The following FANCD2OS variants were observed in gnomAD, a reference collection of about 807,000 sequenced individuals.
The protein encoded by FANCD2OS is FANCD2 opposite strand, also known as FANCD2 opposite strand protein.
FANCD2OS carries 11 observed loss-of-function variants against 13.2 expected under a neutral mutation model. The observed-to-expected ratio is 0.83, with a 90% CI of 0.52 to 1.38. The LOEUF (loss-of-function observed/expected upper bound fraction) is 1.38. Among genes scored for constraint, FANCD2OS ranks in the 40% most tolerant of loss-of-function variants. The probability of loss-of-function intolerance (pLI) is 0.00; values close to 1 mark genes in which losing one functional copy is unlikely to be tolerated. For missense variants in FANCD2OS, 217 were observed against 213.9 expected, an observed-to-expected ratio of 1.01 and a Z score of -0.09; for synonymous variants, 69 against 84.5, an observed-to-expected ratio of 0.82 and a Z score of 1.01.
Position 10,108,066 on chromosome 3 carries a change from A to C in FANCD2OS, c.-60T>G, listed in dbSNP as rs1695550348. ...GTGCAGCTGAGGTCCTGAACTGTAA[A>C]CGGAGATCCCGAGGGTCTGGAGCTG... On this transcript the variant is annotated 5_prime_UTR_variant, in exon 1 of 2. Coordinates refer to ENST00000450660, the MANE Select transcript of FANCD2OS (RefSeq NM_001164839.2). The C allele has an allele frequency of 6.9e-6, 1 of 144,914 alleles. No individual in the cohort carries two copies. Among genetic ancestry groups the C allele is most frequent in the African/African-American group, 2.7e-5 (1 of 37,058 alleles). The allele number at this position is 144,914 out of a possible 1,614,324, so 9.0% of individuals were successfully genotyped here.
chr3:10,091,357 AG>A, intron 2 of FANCD2OS, among the ~76,000 whole-genome samples: 1 of 151,060 alleles, frequency 6.6e-6, no homozygotes, highest in Non-Finnish European at 1.5e-5. Context: ...CTGGGATTAT[AG>A]GCATAAACCA....
At chr3:10,089,101 A>G (rs1694418106) in intron 2 of FANCD2OS, 1 of 845,120 alleles carries the variant, frequency 1.2e-6, no homozygotes, top group Non-Finnish European at 1.9e-6. Context: ...CTTGGCCAAC[A>G]TAGTGAAACC....
chr3:10,093,303 G>C, intron 2 of FANCD2OS: 2 of 1,613,508 alleles, frequency 1.2e-6, no homozygotes, highest in Non-Finnish European at 1.7e-6. Flanking sequence ...TAGTCATCCT[G>C]TTCTGCATGT....
intron 2 of FANCD2OS, chr3:10,083,740 T>A (rs1693990360): frequency 6.6e-6 from 1 of 151,450 alleles, no homozygotes; most frequent in South Asian, 2.1e-4. Context: ...TACAAAAAAT[T>A]AGCCGAGCGT....
rs1695420380 is a variant in FANCD2OS, at chr3:10,104,666, G to A, written c.109C>T (p.Pro37Ser). The change falls in exon 2 of 2, where the codon CCC (proline) becomes TCC (serine). Residue 37 changes from proline to serine, a missense_variant. Physicochemically the swap from Pro to Ser is moderately conservative, Grantham distance 74. Transcript: ENST00000450660. ...TCGGACGGTGTGTGTGGGAAGCAGGGGGAGGCCTTGAATGGGTGCTTGGAG... is the reference window on the plus strand; with the variant it reads ...TCGGACGGTGTGTGTGGGAAGCAGGAGGAGGCCTTGAATGGGTGCTTGGAG... ...PSSKHPFKAS[P>S]CFPHTPSDLE... The A allele has an allele frequency of 1.2e-6, 2 of 1,614,184 alleles. No homozygotes were observed. Among genetic ancestry groups the A allele is most frequent in the Non-Finnish European group, 1.7e-6 (2 of 1,180,038 alleles).
chr3:10,088,701 C>G, intron 2 of FANCD2OS: 3 of 1,164,834 alleles, frequency 2.6e-6, no homozygotes, highest in Non-Finnish European at 3.8e-6. Flanking sequence ...TCTTAAGATC[C>G]TCTGGTTCTG....
At chr3:10,094,854 C>G in intron 2 of FANCD2OS, 1 of 368,058 alleles carries the variant, frequency 2.7e-6, no homozygotes, top group Non-Finnish European at 5.2e-6. Flanking sequence ...GCAAGTTGAA[C>G]AAAATACTCA....
Position 10,104,703 on chromosome 3 carries a change from T to C in FANCD2OS, c.72A>G (p.Thr24=). Residue 24 remains threonine (T), a synonymous_variant, in exon 2 of 2, where the codon ACA becomes ACG. Coordinates refer to ENST00000450660, the MANE Select transcript of FANCD2OS (RefSeq NM_001164839.2). The part of the protein sequence containing the change: ...DESFQWLRHT[T]PTPSSKHPFK... ...ATGGGTGCTTGGAGGAAGGTGTAGG[T>C]GTCGTGTGCCGCAGCCATTGGAAAC... 6.2e-7 allele frequency: 1 copy of C among 1,613,552 alleles called. No homozygotes were observed. Among genetic ancestry groups the C allele is most frequent in the South Asian group, 1.1e-5 (1 of 90,998 alleles).
downstream of FANCD2OS, among the ~76,000 whole-genome samples, chr3:10,102,325 A>G (rs931699417): frequency 6.6e-6 from 1 of 151,348 alleles, no homozygotes; most frequent in Non-Finnish European, 1.5e-5. Context: ...TGTATTTTTT[A>G]GTAGAGACAG....
At chr3:10,086,490 ATCT>A (rs968856622) in intron 2 of FANCD2OS, among the ~76,000 whole-genome samples, 15 of 151,804 alleles carry the variant, frequency 9.9e-5, no homozygotes, top group Non-Finnish European at 1.9e-4. Context: ...AGGACCTTAT[ATCT>A]TCTTTTTTTT....
In FANCD2OS at chr3:10,108,022, A is replaced by G. The variant is rs1490261828; in HGVS notation, c.-16T>C. 6.6e-6 allele frequency: 1 copy of G among 152,306 alleles called. No individual in the cohort carries two copies. Among genetic ancestry groups the G allele is most frequent in the Non-Finnish European group, 1.5e-5 (1 of 68,124 alleles). The allele number at this position is 152,306 out of a possible 1,614,324, so 9.4% of individuals were successfully genotyped here. ...ATCTCTTGATTTCCCCACCTGGGAA[A>G]CAGGGCGTTAGCGCCAAAGTGCAGC... On this transcript the variant is annotated 5_prime_UTR_variant, in exon 1 of 2. Coordinates refer to ENST00000450660, the MANE Select transcript of FANCD2OS (RefSeq NM_001164839.2).
chr3:10,093,142 T>A, intron 2 of FANCD2OS: 1 of 686,740 alleles, frequency 1.5e-6, no homozygotes, highest in Non-Finnish European at 2.6e-6. Flanking sequence ...TATTCTGCTT[T>A]GTAATATTAA....
rs758452322 is a variant in FANCD2OS, at chr3:10,104,222, G to C, written c.*19C>G. Reference sequence around the variant, plus strand: ...CCAAAGGGCATGGTGTGAGTAAATGGGGATCAAATGAGGACCCTTTACTTG... The same window carrying C: ...CCAAAGGGCATGGTGTGAGTAAATGCGGATCAAATGAGGACCCTTTACTTG... On this transcript the variant is annotated 3_prime_UTR_variant, in exon 2 of 2. Transcript: ENST00000450660. 4.4e-6 allele frequency: 7 copies of C among 1,578,634 alleles called. No homozygotes were observed. The highest frequency in any genetic ancestry group is 6.0e-6 in the Non-Finnish European group (7 of 1,162,444).
At chr3:10,098,863 G>A, downstream of FANCD2OS, 1 of 1,614,174 alleles carries the variant, frequency 6.2e-7, no homozygotes, top group Non-Finnish European at 8.5e-7. Flanking sequence ...GTTGCATTTT[G>A]TTAATTGTTC....
intron 2 of FANCD2OS, among the ~76,000 whole-genome samples, chr3:10,094,532 A>G (rs1332760386): frequency 6.6e-6 from 1 of 151,652 alleles, no homozygotes; most frequent in Non-Finnish European, 1.5e-5. Context: ...AGTAGGCTGA[A>G]CTCCTCAGGC....
At chr3:10,088,553 T>G in intron 2 of FANCD2OS, 1 of 1,571,106 alleles carries the variant, frequency 6.4e-7, no homozygotes, top group Non-Finnish European at 8.8e-7. Flanking sequence ...GTGAGATGTT[T>G]GGTTTCTTCC....
chr3:10,095,301 C>T (rs890198963), intron 2 of FANCD2OS: 2 of 1,591,998 alleles, frequency 1.3e-6, no homozygotes, highest in Non-Finnish European at 1.7e-6. Context: ...GTTCTATCAG[C>T]AGCCTGCCTG....
Position 10,104,546 on chromosome 3 carries a change from A to G in FANCD2OS, c.229T>C (p.Ser77Pro). Residue 77 changes from serine to proline, a missense_variant, in exon 2 of 2, where the codon TCA becomes CCA. Ser to Pro is a moderately conservative substitution (Grantham distance 74). Transcript: ENST00000450660. Reference sequence around the variant, plus strand: ...TTGTTGTTCATCGTGCGCAACTCTGATGTGTGGCAGGGTAACTTGGGACTC... The same window carrying G: ...TTGTTGTTCATCGTGCGCAACTCTGGTGTGTGGCAGGGTAACTTGGGACTC... ...GVSPKLPCHTSELRTMNNKGL... is the reference protein window; with the variant it reads ...GVSPKLPCHTPELRTMNNKGL... 6.2e-7 allele frequency: 1 copy of G among 1,614,140 alleles called. No homozygotes were observed. The highest frequency in any genetic ancestry group is 1.7e-5 in the Admixed American group (1 of 60,006).
intron 2 of FANCD2OS, chr3:10,088,598 G>A: frequency 2.3e-6 from 3 of 1,301,294 alleles, no homozygotes; most frequent in Non-Finnish European, 3.3e-6. Context: ...TTTTGCTACT[G>A]TTGTTTGTCA....
Sources: gnomAD v4.1 joint callset for allele counts (sites outside exome capture counted in the v4.1 genomes callset) on GRCh38, gnomAD v4.1.1 for gene constraint, MANE v1.5 for transcripts, NCBI Gene and HGNC (gene_info 2026-07-23, HGNC 2026-07-21) for gene names.